SCAF1: variants seen among roughly 807,000 people sequenced by gnomAD.
SCAF1 encodes splicing factor, arginine/serine-rich 19.
Under a neutral mutation model 91.2 loss-of-function variants are expected in SCAF1, and 28 were observed. That is an observed-to-expected ratio of 0.31 (90% CI 0.23 to 0.42). The LOEUF is 0.42. Ranked by LOEUF, SCAF1 falls within the 10% of genes least tolerant of loss-of-function variation. SCAF1 has a pLI of 1.00. For missense variants in SCAF1, 1,893 were observed against 1,872.1 expected (o/e 1.01, Z -0.21); for synonymous variants, 1,036 against 833.7 (o/e 1.24, Z -4.18).
At position 49,650,840 on chromosome 19, in the gene SCAF1, C is replaced by G; in HGVS notation, c.479-28C>G. The G allele has an allele frequency of 1.9e-6, 3 of 1,574,000 alleles. No homozygotes were observed. In the South Asian group the frequency reaches 3.5e-5, roughly 18 times the overall value. On this transcript the variant is annotated intron_variant, in intron 6 of 10. Transcript: ENST00000360565. ...ACCAGGAGGGAGGCAAAGGCCCTGA[C>G]CGCCTCTCTCTCCCTGTTCCTTTGC...
intron 9 of SCAF1, 68 bp from the exon 10 acceptor site, chr19:49,657,693 G>T: frequency 6.5e-7 from 1 of 1,528,874 alleles, no homozygotes; most frequent in African/African-American, 1.4e-5. Context: ...GAGGCGAGTG[G>T]AGGTGGAGGT....
chr19:49,646,724 C>T lies in SCAF1; in HGVS notation c.372C>T (p.Asp124=). Reference sequence around the variant, plus strand: ...CCCTTCCGCCTTGCAGAAGTGAGGACATGCTGGAGCTGGTGGCTGAGGTCC... The same window carrying T: ...CCCTTCCGCCTTGCAGAAGTGAGGATATGCTGGAGCTGGTGGCTGAGGTCC... ...RLDLRPGESE[D]MLELVAEVRI... is the part of the protein sequence containing the mutation. The change falls in exon 6 of 11, where the codon GAC becomes GAT. Residue 124 remains aspartate, a synonymous_variant. Coordinates refer to ENST00000360565, the MANE Select transcript of SCAF1 (RefSeq NM_021228.3). This position sits in a 1 kb window ranked among gnomAD's most constrained non-coding sequence, Gnocchi z 5.6. 1 of 1,613,948 alleles carries T rather than the reference C, an allele frequency of 6.2e-7. No individual in the cohort carries two copies. The highest frequency in any genetic ancestry group is 1.1e-5 in the South Asian group (1 of 91,058).
At chr19:49,641,479 G>C (rs573206156), upstream of SCAF1, among the ~76,000 whole-genome samples, 3 of 152,274 alleles carry the variant, frequency 2.0e-5, no homozygotes, top group African/African-American at 4.8e-5. Context: ...ACCACGCCAG[G>C]CTAATTTTTG....
chr19:49,646,267 G>A lies in SCAF1; in HGVS notation c.261+65G>A. ...ATCAGGGAGGAAGGGATGGGGGCCTGAGTCTGGGGGAATGGGGTTTGGGGA... is the reference window on the plus strand; with the variant it reads ...ATCAGGGAGGAAGGGATGGGGGCCTAAGTCTGGGGGAATGGGGTTTGGGGA... On this transcript the variant is annotated intron_variant, in intron 4 of 10. Coordinates refer to ENST00000360565, the MANE Select transcript of SCAF1 (RefSeq NM_021228.3). The surrounding 1 kb of genome is among the most constrained non-coding windows in gnomAD (Gnocchi z 5.6). 1 of 1,285,950 alleles carries A rather than the reference G, an allele frequency of 7.8e-7. No homozygotes were observed. The allele number at this position is 1,285,950 out of a possible 1,614,324, so 79.7% of individuals were successfully genotyped here.
intron 9 of SCAF1, 139 bp from the exon 10 acceptor site, chr19:49,657,622 C>T: frequency 1.8e-6 from 2 of 1,094,596 alleles, no homozygotes; most frequent in Non-Finnish European, 1.3e-6. Context: ...ATGGGACAGA[C>T]CCTCAGCAGG....
Position 49,650,950 on chromosome 19 carries a change from C to G in SCAF1, c.561C>G (p.Pro187=). ...CGGGAGACGGGGGCCCTGCCCCACC[C>G]CCTGCCCCCTCCTCTGCATCCTCCT... ...LGTGDGGPAP[P]PAPSSASSSP... Residue 187 remains proline (P), a synonymous_variant, in exon 7 of 11, where the codon CCC becomes CCG. Transcript: ENST00000360565. 6.4e-7 allele frequency: 1 copy of G among 1,564,558 alleles called. No homozygotes were observed. Among genetic ancestry groups the G allele is most frequent in the South Asian group, 1.2e-5 (1 of 85,950 alleles).
chr19:49,653,552 C>A lies in SCAF1; in HGVS notation c.3163C>A (p.Pro1055Thr). 6.3e-7 allele frequency: 1 copy of A among 1,584,658 alleles called. No homozygotes were observed. Residue 1055 changes from proline (P) to threonine (T), a missense_variant, in exon 7 of 11, where the codon CCA (proline) becomes ACA (threonine). Transcript: ENST00000360565. ...TTATSTAAAA[P>T]STAPSAGSTA... The stretch of plus-strand genomic sequence containing the variant: ...GGCCACCAGCACTGCTGCAGCCGCC[C>A]CAAGCACTGCCCCCAGCGCGGGGTC...
In SCAF1 at chr19:49,651,532, G is replaced by T. The variant is rs931696132; in HGVS notation, c.1143G>T (p.Pro381=). The change falls in exon 7 of 11, where the codon CCG becomes CCT. Residue 381 remains proline, a synonymous_variant. Coordinates refer to ENST00000360565, the MANE Select transcript of SCAF1 (RefSeq NM_021228.3). ...VVTAGGAALP[P]PLLPPGDSEI... Reference sequence around the variant, plus strand: ...CCGCTGGTGGAGCCGCCCTCCCGCCGCCCCTGCTGCCGCCCGGCGACTCGG... The same window carrying T: ...CCGCTGGTGGAGCCGCCCTCCCGCCTCCCCTGCTGCCGCCCGGCGACTCGG... The T allele has an allele frequency of 3.2e-6, 5 of 1,564,572 alleles. No homozygotes were observed. The highest frequency in any genetic ancestry group is 4.3e-6 in the Non-Finnish European group (5 of 1,156,708).
Position 49,651,848 on chromosome 19 carries a change from C to G in SCAF1, c.1459C>G (p.Leu487Val). Residue 487 changes from leucine to valine, a missense_variant, in exon 7 of 11, where the codon CTG becomes GTG. Transcript: ENST00000360565. ...CGGCCTGGACCTGCGCCGCAAGATC[C>G]TGACCCAACGGCGGGAGCGCTACCG... is the stretch of plus-strand genomic sequence containing the variant. ...WGGLDLRRKILTQRRERYRQR... is the reference protein window; with the variant it reads ...WGGLDLRRKIVTQRRERYRQR... The G allele has an allele frequency of 8.0e-7, 1 of 1,256,376 alleles. No individual in the cohort carries two copies. Among genetic ancestry groups the G allele is most frequent in the African/African-American group, 1.6e-5 (1 of 61,440 alleles). The allele number at this position is 1,256,376 out of a possible 1,614,324, so 77.8% of individuals were successfully genotyped here.
chr19:49,652,738 C>T lies in SCAF1; in HGVS notation c.2349C>T (p.Asp783=). The change falls in exon 7 of 11, where the codon GAC becomes GAT. Residue 783 remains aspartate, a synonymous_variant. Transcript: ENST00000360565. ...LDGGDRDRDR[D]RDRDRDRSSK... is the part of the protein sequence containing the mutation. ...GGGGTGACCGGGATCGGGACAGGGA[C>T]AGAGATAGGGACAGGGACAGGTCAT... 1 of 1,606,496 alleles carries T rather than the reference C, an allele frequency of 6.2e-7. No homozygotes were observed. The highest frequency in any genetic ancestry group is 8.5e-7 in the Non-Finnish European group (1 of 1,176,790).
Position 49,646,779 on chromosome 19 carries a change from C to T in SCAF1, c.427C>T (p.Pro143Ser), listed in dbSNP as rs764757741. The change falls in exon 6 of 11, where the codon CCT becomes TCT. Residue 143 changes from proline (P) to serine (S), a missense_variant. Coordinates refer to ENST00000360565, the MANE Select transcript of SCAF1 (RefSeq NM_021228.3). The surrounding 1 kb of genome is among the most constrained non-coding windows in gnomAD (Gnocchi z 5.6). ...RIGDRDPIPL[P>S]VPSLLPRLRA... is the part of the protein sequence containing the mutation. ...CGGGGACAGAGATCCCATCCCTCTGCCTGTGCCCAGCCTGCTGCCCCGTCT... is the reference window on the plus strand; with the variant it reads ...CGGGGACAGAGATCCCATCCCTCTGTCTGTGCCCAGCCTGCTGCCCCGTCT... The T allele has an allele frequency of 4.3e-6, 7 of 1,613,836 alleles. No individual in the cohort carries two copies. The highest frequency in any genetic ancestry group is 1.7e-4 in the Middle Eastern group (1 of 5,838).
Position 49,651,564 on chromosome 19 carries a change from A to G in SCAF1, c.1175A>G (p.Glu392Gly). 1.3e-6 allele frequency: 2 copies of G among 1,553,250 alleles called. No homozygotes were observed. Among genetic ancestry groups the G allele is most frequent in the Non-Finnish European group, 8.7e-7 (1 of 1,150,520 alleles). ...PLLPPGDSEI[E>G]EGEIVQPEEE... ...CTGCCGCCCGGCGACTCGGAGATCG[A>G]GGAAGGGGAGATCGTCCAGCCGGAG... The change falls in exon 7 of 11, where the codon GAG (glutamate) becomes GGG (glycine). Residue 392 changes from glutamate to glycine, a missense_variant. Glu to Gly is a moderately conservative substitution (Grantham distance 98). This residue lies in a region of SCAF1 where 1,436 missense variants were observed against 1,306.8 expected (regional missense o/e 1.10). Coordinates refer to ENST00000360565, the MANE Select transcript of SCAF1 (RefSeq NM_021228.3).
Position 49,651,877 on chromosome 19 carries a change from G to A in SCAF1, c.1488G>A (p.Gln496=). 8.2e-7 allele frequency: 1 copy of A among 1,220,090 alleles called. No homozygotes were observed. The allele number at this position is 1,220,090 out of a possible 1,614,324, so 75.6% of individuals were successfully genotyped here. A position where few individuals can be genotyped will look rare whatever the true frequency, so the allele number is the denominator to read the frequency against. ...CCCAACGGCGGGAGCGCTACCGCCA[G>A]CGCTCGCCCTCCCCGGCGCCCGCGC... ...ILTQRRERYR[Q]RSPSPAPAPA... is the part of the protein sequence containing the mutation. Residue 496 remains glutamine, a synonymous_variant, in exon 7 of 11, where the codon CAG becomes CAA. Transcript: ENST00000360565.
At position 49,658,446 on chromosome 19, in the gene SCAF1, G is replaced by A. The variant is rs764881981; in HGVS notation, c.*47G>A. 3 of 1,090,162 alleles carry A rather than the reference G, an allele frequency of 2.8e-6. No homozygotes were observed. The highest frequency in any genetic ancestry group is 1.4e-5 in the South Asian group (1 of 69,542). 67.5% of individuals were successfully genotyped at this position (1,090,162 alleles called of 1,614,324 possible). A position where few individuals can be genotyped will look rare whatever the true frequency, so the allele number is the denominator to read the frequency against. ...CCCTCACCTCTTTGAAACTCTGGACGTATTTATGGCTCCACCTCCCCACCT... is the reference window on the plus strand; with the variant it reads ...CCCTCACCTCTTTGAAACTCTGGACATATTTATGGCTCCACCTCCCCACCT... On this transcript the variant is annotated 3_prime_UTR_variant, in exon 11 of 11. Coordinates refer to ENST00000360565, the MANE Select transcript of SCAF1 (RefSeq NM_021228.3).
At position 49,658,354 on chromosome 19, in the gene SCAF1, G is replaced by A. The variant is rs1568447685; in HGVS notation, c.3894G>A (p.Gly1298=). The change falls in exon 11 of 11, where the codon GGG becomes GGA. Residue 1298 remains glycine (G), a synonymous_variant. Transcript: ENST00000360565. The stretch of plus-strand genomic sequence containing the variant: ...CCCCACGGCCGCCCAAGGAGCCAGG[G>A]CCCCCAGACAAGGGTGGCCCGGGCC... The part of the protein sequence containing the change: ...PGPPRPPKEP[G]PPDKGGPGLP... 1 of 1,567,572 alleles carries A rather than the reference G, an allele frequency of 6.4e-7. No homozygotes were observed. Among genetic ancestry groups the A allele is most frequent in the Non-Finnish European group, 8.6e-7 (1 of 1,160,124 alleles).
chr19:49,651,148 C>G lies in SCAF1; in HGVS notation c.759C>G (p.Pro253=). ...APEQKYDPFE[P]TGSNPSSSAG... is the part of the protein sequence containing the mutation. ...AGCAAAAGTACGACCCTTTTGAGCC[C>G]ACCGGCTCCAACCCCAGCTCATCAG... Residue 253 remains proline, a synonymous_variant, in exon 7 of 11, where the codon CCC becomes CCG. Coordinates refer to ENST00000360565, the MANE Select transcript of SCAF1 (RefSeq NM_021228.3). 1 of 1,612,908 alleles carries G rather than the reference C, an allele frequency of 6.2e-7. No homozygotes were observed. Among genetic ancestry groups the G allele is most frequent in the African/African-American group, 1.3e-5 (1 of 74,614 alleles).
Position 49,651,280 on chromosome 19 carries a change from C to G in SCAF1, c.891C>G (p.Ile297Met), listed in dbSNP as rs1309772613. ...EEGLSQSISR[I>M]SETLAGIYDD... ...GCCTGTCCCAGAGCATCAGCCGCAT[C>G]TCGGAGACCCTGGCGGGCATCTACG... Residue 297 changes from isoleucine (I) to methionine (M), a missense_variant, in exon 7 of 11, where the codon ATC becomes ATG. Coordinates refer to ENST00000360565, the MANE Select transcript of SCAF1 (RefSeq NM_021228.3). 1 of 1,611,818 alleles carries G rather than the reference C, an allele frequency of 6.2e-7. No homozygotes were observed. Among genetic ancestry groups the G allele is most frequent in the Non-Finnish European group, 8.5e-7 (1 of 1,179,790 alleles).
In SCAF1 at chr19:49,653,217, A is replaced by G. The variant is rs376593186; in HGVS notation, c.2828A>G (p.Lys943Arg). The change falls in exon 7 of 11, where the codon AAG (lysine) becomes AGG (arginine). Residue 943 changes from lysine to arginine, a missense_variant. Transcript: ENST00000360565. ...GGCAGTGGTGGCCAGGTGTCGCTGA[A>G]GAAGTCCAAGGCGGATAGCTGCAGC... ...SGGSGGQVSLKKSKADSCSQA... is the reference protein window; with the variant it reads ...SGGSGGQVSLRKSKADSCSQA... The G allele has an allele frequency of 2.0e-6, 3 of 1,528,954 alleles. No homozygotes were observed. Among genetic ancestry groups the G allele is most frequent in the African/African-American group, 2.7e-5 (2 of 72,850 alleles). The allele number at this position is 1,528,954 out of a possible 1,614,324, so 94.7% of individuals were successfully genotyped here.
Position 49,652,165 on chromosome 19 carries a change from C to A in SCAF1, c.1776C>A (p.Arg592=). ...STRRRSRSTD[R]RRGGSRRSRS... is the part of the protein sequence containing the mutation. ...GCCGCCGCTCGCGCAGCACCGACCGCCGCCGCGGGGGCAGCCGCAGGTCGC... is the reference window on the plus strand; with the variant it reads ...GCCGCCGCTCGCGCAGCACCGACCGACGCCGCGGGGGCAGCCGCAGGTCGC... The change falls in exon 7 of 11, where the codon CGC becomes CGA. Residue 592 remains arginine (R), a synonymous_variant. Coordinates refer to ENST00000360565, the MANE Select transcript of SCAF1 (RefSeq NM_021228.3). The A allele has an allele frequency of 1.8e-6, 2 of 1,128,054 alleles. No homozygotes were observed. The highest frequency in any genetic ancestry group is 1.1e-6 in the Non-Finnish European group (1 of 918,804). 69.9% of individuals were successfully genotyped at this position (1,128,054 alleles called of 1,614,324 possible). A position where few individuals can be genotyped will look rare whatever the true frequency, so the allele number is the denominator to read the frequency against.
Sources: allele counts gnomAD v4.1 joint callset (sites outside exome capture counted in the v4.1 genomes callset), GRCh38; gene constraint gnomAD v4.1.1; regional missense constraint gnomAD v4.1.1; non-coding constraint Gnocchi (gnomAD v3.1); transcripts MANE v1.5; gene names NCBI Gene and HGNC (gene_info 2026-07-23, HGNC 2026-07-21).